Variants in DGKB observed in about 807,000 individuals in gnomAD.
The protein encoded by DGKB is 90 kDa diacylglycerol kinase.
A neutral mutation model predicts 114.3 loss-of-function variants in DGKB; 67 were observed. The ratio of observed to expected loss-of-function variants is 0.59; its 90% CI spans 0.48 to 0.72. The LOEUF (loss-of-function observed/expected upper bound fraction) is 0.72, where lower values mean the gene tolerates loss of function less well. DGKB is among the 30% of genes least tolerant of loss of function. The pLI is 0.00. For synonymous variants in DGKB, 398 were observed against 323.1 expected (o/e 1.23, Z -2.49); for missense variants, 907 against 975.2 (o/e 0.93, Z 0.93).
rs1358222246 is a variant in DGKB at position 14,590,160 on chromosome 7, TAATA to T, written c.1434-7027_1434-7024del. On this transcript the variant is annotated intron_variant, in intron 17 of 25. Transcript: ENST00000402815. Reference sequence around the variant, plus strand: ...ATGTACCCTAAAACTTAAAGTATAATAATAAAAAAAAAAACATTAAAGAGAAAAG... The same window carrying T: ...ATGTACCCTAAAACTTAAAGTATAATAAAAAAAAAACATTAAAGAGAAAAG... Among the ~76,000 whole-genome samples, 20 of 122,154 alleles carry T rather than the reference TAATA, an allele frequency of 1.6e-4. 1 individual carries two copies. Among genetic ancestry groups the T allele is most frequent in the African/African-American group, 6.8e-4 (19 of 28,066 alleles). The allele number at this position is 122,154 out of a possible 152,430, so 80.1% of individuals were successfully genotyped here. A position where few individuals can be genotyped will look rare whatever the true frequency, so the allele number is the denominator to read the frequency against.
chr7:14,508,919 C>T (rs560869909), intron 20 of DGKB, among the ~76,000 whole-genome samples: 1 of 152,254 alleles, frequency 6.6e-6, no homozygotes, highest in Non-Finnish European at 1.5e-5. Flanking sequence ...ACATCACATT[C>T]ATTCTTCAAG....
chr7:14,926,624 G>C (rs989811275), intron 1 of DGKB, among the ~76,000 whole-genome samples: 1 of 150,248 alleles, frequency 6.7e-6, no homozygotes, highest in South Asian at 2.1e-4. Context: ...AAATTTAATT[G>C]GTCAATTTTT....
intron 21 of DGKB, among the ~76,000 whole-genome samples, chr7:14,458,764 T>A (rs1164210203): frequency 5.3e-5 from 8 of 152,128 alleles, no homozygotes; most frequent in African/African-American, 1.9e-4. Context: ...AAGTACAAAA[T>A]TGGGCTGCCA....
chr7:14,406,038 T>C (rs377405206), intron 21 of DGKB, among the ~76,000 whole-genome samples: 21 of 151,942 alleles, frequency 1.4e-4, no homozygotes, highest in Admixed American at 9.2e-4. Context: ...CAGCATAACA[T>C]AGAATCTTAG....
At chr7:14,964,322 T>C (rs1466357793) in intron 1 of DGKB, among the ~76,000 whole-genome samples, 1 of 152,024 alleles carries the variant, frequency 6.6e-6, no homozygotes, top group African/African-American at 2.4e-5. Flanking sequence ...CTGGGCCACA[T>C]GGCAAAACCT....
At chr7:14,709,833 A>G (rs1203954431) in intron 6 of DGKB, among the ~76,000 whole-genome samples, 5 of 135,554 alleles carry the variant, frequency 3.7e-5, no homozygotes, top group East Asian at 5.1e-4. Flanking sequence ...GGGGGAGGGG[A>G]GAGGGATAGC....
chr7:14,408,488 T>C (rs1427459982), intron 21 of DGKB, among the ~76,000 whole-genome samples: 1 of 152,106 alleles, frequency 6.6e-6, no homozygotes, highest in South Asian at 2.1e-4. Flanking sequence ...TACCTGATTG[T>C]AGGCTGAACT....
intron 2 of DGKB, among the ~76,000 whole-genome samples, chr7:14,807,585 C>G (rs955185232): frequency 6.6e-6 from 1 of 151,762 alleles, no homozygotes; most frequent in African/African-American, 2.4e-5. Context: ...TAAATAAGAT[C>G]AGTATTGTTG....
intron 1 of DGKB, among the ~76,000 whole-genome samples, chr7:14,969,965 T>G (rs1306502272): frequency 6.6e-6 from 1 of 152,170 alleles, no homozygotes; most frequent in African/African-American, 2.4e-5. Flanking sequence ...TAGAAAATTT[T>G]CATTTTCACT....
chr7:14,532,041 T>C (rs1378832108), intron 20 of DGKB, among the ~76,000 whole-genome samples: 3 of 151,174 alleles, frequency 2.0e-5, no homozygotes, highest in Non-Finnish European at 4.5e-5. Context: ...TACATCCAAA[T>C]AAATGGATCA....
chr7:14,270,336 G>T (rs770027387), intron 23 of DGKB, among the ~76,000 whole-genome samples: 4 of 152,048 alleles, frequency 2.6e-5, no homozygotes, highest in Non-Finnish European at 5.9e-5. Flanking sequence ...ATGTTAGCTG[G>T]CATATGAACC....
At chr7:14,176,244 TC>T (rs1231380271) in intron 25 of DGKB, 1 of 760,690 alleles carries the variant, frequency 1.3e-6, no homozygotes, top group Non-Finnish European at 1.6e-6. Flanking sequence ...CAAAAGCAGT[TC>T]CTAGCATGTT....
At chr7:14,257,870 G>A (rs1796174628) in intron 23 of DGKB, among the ~76,000 whole-genome samples, 1 of 152,064 alleles carries the variant, frequency 6.6e-6, no homozygotes, top group Admixed American at 6.6e-5. Context: ...GGGATTACAG[G>A]TGCCCACCAC....
intron 13 of DGKB, among the ~76,000 whole-genome samples, chr7:14,646,325 C>G (rs1023476439): frequency 3.9e-5 from 6 of 152,112 alleles, no homozygotes; most frequent in East Asian, 1.9e-4. Context: ...GAGGATATAA[C>G]AATTATAGAA....
At chr7:14,476,624 G>A (rs1025253273) in intron 21 of DGKB, among the ~76,000 whole-genome samples, 18 of 151,402 alleles carry the variant, frequency 1.2e-4, no homozygotes, top group African/African-American at 3.9e-4. Flanking sequence ...TTTTCTTTAC[G>A]ATAAAAAGTA....
intron 20 of DGKB, among the ~76,000 whole-genome samples, chr7:14,508,514 T>C (rs938208789): frequency 6.6e-6 from 1 of 152,186 alleles, no homozygotes; most frequent in African/African-American, 2.4e-5. Context: ...AAACATTTTA[T>C]TGAGAAAAGA....
chr7:14,177,554 C>CAAAAAAAAAAAAAAAAAAAAAAAA (rs56019837), intron 24 of DGKB, among the ~76,000 whole-genome samples: 78 of 69,028 alleles, frequency 1.1e-3, no homozygotes, highest in Middle Eastern at 9.4e-3. Context: ...AACTCCGTCT[C>CAAAAAAAAAAAAAAAAAAAAAAAA]AAAAAAAAAA....
chr7:14,646,610 C>T (rs747180846), intron 13 of DGKB, among the ~76,000 whole-genome samples: 2 of 152,042 alleles, frequency 1.3e-5, no homozygotes, highest in Non-Finnish European at 2.9e-5. Context: ...AAATCTCAAA[C>T]ATTTTAAAAC....
At chr7:14,822,273 C>T (rs571123806) in intron 2 of DGKB, among the ~76,000 whole-genome samples, 4 of 152,096 alleles carry the variant, frequency 2.6e-5, no homozygotes, top group African/African-American at 9.6e-5. Context: ...ATATTTAAAG[C>T]TTTGGAACAG....
Sources: gnomAD v4.1 joint callset for allele counts (sites outside exome capture counted in the v4.1 genomes callset) on GRCh38, gnomAD v4.1.1 for gene constraint, MANE v1.5 for transcripts, NCBI Gene and HGNC (gene_info 2026-07-23, HGNC 2026-07-21) for gene names.